Variants in PDE4D observed in about 807,000 individuals in gnomAD.
PDE4D encodes the protein phosphodiesterase 4D.
Under a neutral mutation model 87.4 loss-of-function variants are expected in PDE4D, and 24 were observed. That is an observed-to-expected ratio of 0.27 (90% CI 0.20 to 0.39). The LOEUF (loss-of-function observed/expected upper bound fraction) is 0.39. Among genes scored for constraint, PDE4D ranks in the 10% least tolerant of loss-of-function variants. The pLI, the probability that PDE4D is intolerant of heterozygous loss-of-function variation, is 1.00. For synonymous variants in PDE4D, 384 were observed against 383.2 expected (o/e 1.00, Z -0.02); for missense variants, 714 against 1,041.0 (o/e 0.69, Z 4.32).
intron 1 of PDE4D, among the ~76,000 whole-genome samples, chr5:60,185,954 A>C (rs1052861498): frequency 7.9e-5 from 12 of 151,162 alleles, no homozygotes; most frequent in Admixed American, 6.6e-4. Flanking sequence ...AAAAAAACAG[A>C]TATGATAGCC....
chr5:59,781,187 A>C (rs1015496589), intron 1 of PDE4D, among the ~76,000 whole-genome samples: 3 of 150,956 alleles, frequency 2.0e-5, no homozygotes, highest in African/African-American at 7.3e-5. Context: ...AAAAAAAAAA[A>C]GACGGTGATA....
rs142436798 is a variant in PDE4D at position 59,197,721 on chromosome 5, T to C, written c.648-4185A>G. On this transcript the variant is annotated intron_variant, in intron 2 of 14. Transcript: ENST00000340635. ...TTGCTTATAATCATTTAAAAACAGA[T>C]CTGGTAGTTAAGATCAACAGAAGAT... Among the ~76,000 whole-genome samples the C allele has an allele frequency of 7.6e-3, 1,152 of 152,302 alleles. 11 individuals are homozygous for C. The highest frequency in any genetic ancestry group is 0.027 in the African/African-American group (1,106 of 41,560).
chr5:59,176,767 C>T (rs1310012107), intron 5 of PDE4D, among the ~76,000 whole-genome samples: 1 of 152,076 alleles, frequency 6.6e-6, no homozygotes, highest in Non-Finnish European at 1.5e-5. Flanking sequence ...ATTTCTCCTT[C>T]AAACAACTAT....
chr5:59,337,359 A>T (rs1470355851), intron 1 of PDE4D, among the ~76,000 whole-genome samples: 1 of 114,606 alleles, frequency 8.7e-6, no homozygotes, highest in Non-Finnish European at 1.7e-5. Flanking sequence ...TTTGACACGG[A>T]GTCTCGCTGT....
chr5:60,309,107 T>A (rs1340624431), intron 1 of PDE4D, among the ~76,000 whole-genome samples: 4 of 152,146 alleles, frequency 2.6e-5, no homozygotes, highest in Non-Finnish European at 4.4e-5. Context: ...CTGTTAATAT[T>A]ACTTAAATAT....
intron 1 of PDE4D, among the ~76,000 whole-genome samples, chr5:59,222,821 T>C (rs1752846890): frequency 6.6e-6 from 1 of 152,228 alleles, no homozygotes; most frequent in South Asian, 2.1e-4. Context: ...CTGATAAAGA[T>C]AATTACAATA....
intron 1 of PDE4D, among the ~76,000 whole-genome samples, chr5:60,279,619 C>T (rs888230593): frequency 1.3e-5 from 2 of 151,654 alleles, no homozygotes; most frequent in African/African-American, 4.8e-5. Flanking sequence ...TTATAGAAAG[C>T]ATGCTTTTGT....
chr5:60,077,677 G>C (rs1773462701), intron 2 of PDE4D, among the ~76,000 whole-genome samples: 1 of 152,148 alleles, frequency 6.6e-6, no homozygotes, highest in South Asian at 2.1e-4. Flanking sequence ...TTAGGGAGAT[G>C]GGTGTCCCTG....
chr5:59,916,617 A>G (rs1339641631), intron 3 of PDE4D, among the ~76,000 whole-genome samples: 1 of 152,212 alleles, frequency 6.6e-6, no homozygotes, highest in Admixed American at 6.5e-5. Context: ...CCTACTTAAA[A>G]CACCATTTAA....
intron 1 of PDE4D, among the ~76,000 whole-genome samples, chr5:59,543,289 T>C (rs1016488223): frequency 1.3e-5 from 2 of 152,174 alleles, no homozygotes; most frequent in Non-Finnish European, 1.5e-5. Context: ...AGCCACACTT[T>C]AAGGATACTG....
At chr5:60,111,632 A>G (rs1777695031) in intron 2 of PDE4D, among the ~76,000 whole-genome samples, 1 of 151,916 alleles carries the variant, frequency 6.6e-6, no homozygotes. Flanking sequence ...TTAAAATATA[A>G]ATTTTATATA....
intron 3 of PDE4D, among the ~76,000 whole-genome samples, chr5:59,949,084 A>G (rs533224951): frequency 2.0e-5 from 3 of 152,138 alleles, no homozygotes; most frequent in African/African-American, 4.8e-5. Context: ...AGAATGATGT[A>G]TATGTGTGCA....
intron 2 of PDE4D, among the ~76,000 whole-genome samples, chr5:60,010,847 A>G (rs987169283): frequency 1.5e-4 from 23 of 152,160 alleles, no homozygotes; most frequent in African/African-American, 5.5e-4. Context: ...TAAAGCATTC[A>G]GTTATTGGTA....
At chr5:59,121,368 C>T (rs1488567279) in intron 5 of PDE4D, among the ~76,000 whole-genome samples, 1 of 151,980 alleles carries the variant, frequency 6.6e-6, no homozygotes. Flanking sequence ...AAAAAGCACA[C>T]AATCCCATTA....
chr5:60,280,432 C>T (rs572533427), intron 1 of PDE4D, among the ~76,000 whole-genome samples: 9 of 151,982 alleles, frequency 5.9e-5, no homozygotes. Flanking sequence ...AGTCTCAATT[C>T]TTTAATAGGA....
chr5:59,182,878 G>A (rs939175835), intron 4 of PDE4D, among the ~76,000 whole-genome samples: 4 of 152,206 alleles, frequency 2.6e-5, no homozygotes, highest in African/African-American at 9.7e-5. Flanking sequence ...GTGTTAACAA[G>A]TCAGCAATGT....
At chr5:59,726,195 A>G (rs1756569558) in intron 1 of PDE4D, among the ~76,000 whole-genome samples, 1 of 152,112 alleles carries the variant, frequency 6.6e-6, no homozygotes. Context: ...TTTCAGGCAT[A>G]TTTAAAAATG....
chr5:59,742,914 T>C (rs1220856827), intron 1 of PDE4D, among the ~76,000 whole-genome samples: 3 of 152,154 alleles, frequency 2.0e-5, no homozygotes, highest in Non-Finnish European at 4.4e-5. Flanking sequence ...AAGGGAACAA[T>C]TACATATTTA....
intron 1 of PDE4D, among the ~76,000 whole-genome samples, chr5:59,465,912 A>T (rs1801519611): frequency 6.6e-6 from 1 of 152,222 alleles, no homozygotes; most frequent in Non-Finnish European, 1.5e-5. Context: ...TGGACTTAGT[A>T]ACCCACCCAA....
Sources: gnomAD v4.1 joint callset for allele counts (sites outside exome capture counted in the v4.1 genomes callset) on GRCh38, gnomAD v4.1.1 for gene constraint, MANE v1.5 for transcripts, NCBI Gene and HGNC (gene_info 2026-07-23, HGNC 2026-07-21) for gene names.